Variants in DLGAP1 observed in about 807,000 individuals in gnomAD.
DLGAP1 encodes the protein DLG associated protein 1.
DLGAP1 carries 11 observed loss-of-function variants against 90.8 expected under a neutral mutation model. That is an observed-to-expected ratio of 0.12 (90% CI 0.08 to 0.20). DLGAP1 has a LOEUF of 0.20. DLGAP1 is among the 10% of genes least tolerant of loss of function. DLGAP1 has a pLI of 1.00. For missense variants in DLGAP1, 1,050 were observed against 1,333.8 expected, an observed-to-expected ratio of 0.79 and a Z score of 3.31; for synonymous variants, 558 against 540.7, an observed-to-expected ratio of 1.03 and a Z score of -0.44.
chr18:4,028,288 A>G (rs2074735737), intron 2 of DLGAP1, among the ~76,000 whole-genome samples: 1 of 152,248 alleles, frequency 6.6e-6, no homozygotes, highest in Non-Finnish European at 1.5e-5. Context: ...TATGCAAAGC[A>G]TATTTATATA....
intron 1 of DLGAP1, among the ~76,000 whole-genome samples, chr18:4,213,837 G>A (rs2077896227): frequency 6.6e-6 from 1 of 152,140 alleles, no homozygotes; most frequent in African/African-American, 2.4e-5. Context: ...ATACTCAGAT[G>A]AGTAGGAGGA....
At chr18:3,798,047 T>G (rs1174019551) in intron 5 of DLGAP1, among the ~76,000 whole-genome samples, 1 of 152,228 alleles carries the variant, frequency 6.6e-6, no homozygotes, top group East Asian at 1.9e-4. Flanking sequence ...CACATGGAAC[T>G]GTGAGTCCAT....
intron 6 of DLGAP1, among the ~76,000 whole-genome samples, chr18:3,740,067 G>T (rs1023786334): frequency 2.0e-5 from 3 of 152,172 alleles, no homozygotes; most frequent in African/African-American, 7.2e-5. Flanking sequence ...GTAGTGTGCT[G>T]CTGGGGGAAA....
intron 9 of DLGAP1, among the ~76,000 whole-genome samples, chr18:3,536,223 C>CTT (rs71159088): frequency 2.8e-4 from 39 of 137,430 alleles, no homozygotes; most frequent in African/African-American, 4.0e-4. Flanking sequence ...TACTTTCTTT[C>CTT]TTTTTTTTTT....
chr18:3,849,227 T>C (rs2069197037), intron 4 of DLGAP1, among the ~76,000 whole-genome samples: 1 of 152,216 alleles, frequency 6.6e-6, no homozygotes, highest in Admixed American at 6.5e-5. Context: ...TCTGTAGGTA[T>C]TGAGCCAAGT....
At chr18:3,635,309 TGTA>T (rs1347191962) in intron 7 of DLGAP1, among the ~76,000 whole-genome samples, 2 of 151,444 alleles carry the variant, frequency 1.3e-5, no homozygotes, top group Non-Finnish European at 2.9e-5. Flanking sequence ...TTTTTTGTAT[TGTA>T]TTTTTAGTAG....
At chr18:4,282,828 T>C (rs1410199501) in intron 1 of DLGAP1, among the ~76,000 whole-genome samples, 2 of 152,206 alleles carry the variant, frequency 1.3e-5, no homozygotes, top group Non-Finnish European at 2.9e-5. Context: ...TTTTTAAAAA[T>C]ATGGATATGA....
chr18:4,220,301 T>C (rs2078048540), intron 1 of DLGAP1, among the ~76,000 whole-genome samples: 1 of 152,134 alleles, frequency 6.6e-6, no homozygotes, highest in Admixed American at 6.6e-5. Flanking sequence ...TCCTTCTTTT[T>C]CCAGTTTAGA....
At chr18:4,070,751 T>C (rs1372050355) in intron 2 of DLGAP1, among the ~76,000 whole-genome samples, 1 of 152,054 alleles carries the variant, frequency 6.6e-6, no homozygotes, top group Admixed American at 6.6e-5. Flanking sequence ...ATCATAAACG[T>C]AAACAAGAAA....
intron 2 of DLGAP1, among the ~76,000 whole-genome samples, chr18:4,150,096 TA>T (rs2076649516): frequency 6.6e-6 from 1 of 152,188 alleles, no homozygotes; most frequent in Non-Finnish European, 1.5e-5. Flanking sequence ...AACCCACCCA[TA>T]ATTTGGCCTG....
intron 1 of DLGAP1, among the ~76,000 whole-genome samples, chr18:4,165,757 TC>T (rs1418069529): frequency 2.0e-5 from 3 of 152,176 alleles, no homozygotes; most frequent in Non-Finnish European, 4.4e-5. Context: ...TATTGAAATA[TC>T]CAGAGCAACC....
intron 7 of DLGAP1, among the ~76,000 whole-genome samples, chr18:3,615,350 C>G (rs531451329): frequency 7.2e-5 from 11 of 152,302 alleles, no homozygotes; most frequent in Admixed American, 5.9e-4. Flanking sequence ...TGGGGAGCCT[C>G]TATTTTCTTG....
At chr18:3,608,721 G>A (rs1180595595) in intron 7 of DLGAP1, among the ~76,000 whole-genome samples, 3 of 152,324 alleles carry the variant, frequency 2.0e-5, no homozygotes, top group South Asian at 2.1e-4. Context: ...GAGAGGTCTC[G>A]CTCTATACCC....
chr18:3,880,944 G>GAAAAAAAAAAAAAAAAAA (rs1173817359), intron 3 of DLGAP1, among the ~76,000 whole-genome samples: 2 of 38,360 alleles, frequency 5.2e-5, no homozygotes, highest in African/African-American at 9.0e-5. Context: ...CTCCATCTCA[G>GAAAAAAAAAAAAAAAAAA]AAAAAAAAAA....
Position 4,039,539 on chromosome 18 carries a change from T to C in DLGAP1, c.-158-34338A>G, listed in dbSNP as rs1277365343. ...AAATGTGAAGCAAAATATAAAAAAA[T>C]CAAACATCAATGGCAAAGCAGACAG... On this transcript the variant is annotated intron_variant, in intron 2 of 12. Coordinates refer to ENST00000315677, the MANE Select transcript of DLGAP1 (RefSeq NM_004746.4). Among the ~76,000 whole-genome samples the C allele has an allele frequency of 3.3e-5, 5 of 152,050 alleles. No individual in the cohort carries two copies. In the East Asian group the frequency reaches 9.6e-4, roughly 29 times the overall value.
intron 4 of DLGAP1, among the ~76,000 whole-genome samples, chr18:3,854,998 T>C (rs929332508): frequency 7.2e-5 from 11 of 152,196 alleles, no homozygotes; most frequent in African/African-American, 2.4e-4. Flanking sequence ...AAAGAATTGC[T>C]GAAGGCAATA....
intron 1 of DLGAP1, among the ~76,000 whole-genome samples, chr18:4,416,317 T>C (rs1017790344): frequency 4.6e-5 from 7 of 152,252 alleles, no homozygotes; most frequent in African/African-American, 1.4e-4. Flanking sequence ...TATACCAAGG[T>C]CAGATGATAA....
chr18:3,642,748 T>C (rs1382668619), intron 7 of DLGAP1, among the ~76,000 whole-genome samples: 1 of 152,242 alleles, frequency 6.6e-6, no homozygotes, highest in Non-Finnish European at 1.5e-5. Flanking sequence ...GTTAGCTCTT[T>C]GTATCATAAG....
At position 3,880,135 on chromosome 18, in the gene DLGAP1, A is replaced by G; in HGVS notation, c.-67T>C. Reference sequence around the variant, plus strand: ...GTCAGGCTCCAGACCCGTCTTGGGCAGGGATCTGGGGGAATGAAGAAAAGG... The same window carrying G: ...GTCAGGCTCCAGACCCGTCTTGGGCGGGGATCTGGGGGAATGAAGAAAAGG... On this transcript the variant is annotated 5_prime_UTR_variant, in exon 4 of 13. Transcript: ENST00000315677. 6.8e-7 allele frequency: 1 copy of G among 1,477,474 alleles called. No individual in the cohort carries two copies. Among genetic ancestry groups the G allele is most frequent in the Non-Finnish European group, 9.3e-7 (1 of 1,075,244 alleles). The allele number at this position is 1,477,474 out of a possible 1,614,324, so 91.5% of individuals were successfully genotyped here. A position where few individuals can be genotyped will look rare whatever the true frequency, so the allele number is the denominator to read the frequency against.
Sources: gnomAD v4.1 joint callset for allele counts (sites outside exome capture counted in the v4.1 genomes callset) on GRCh38, gnomAD v4.1.1 for gene constraint, MANE v1.5 for transcripts, NCBI Gene and HGNC (gene_info 2026-07-23, HGNC 2026-07-21) for gene names.